Variants in SLC44A1 observed in about 807,000 individuals in gnomAD.
SLC44A1 encodes solute carrier family 44 member 1.
SLC44A1 carries 26 observed loss-of-function variants against 79.3 expected under a neutral mutation model. That is an observed-to-expected ratio of 0.33 (90% CI 0.24 to 0.46). The LOEUF is 0.46. Among genes scored for constraint, SLC44A1 ranks in the 20% least tolerant of loss-of-function variants. SLC44A1 has a pLI of 1.00. For missense variants in SLC44A1, 688 were observed against 798.1 expected (o/e 0.86, Z 1.66); for synonymous variants, 263 against 286.2 (o/e 0.92, Z 0.82).
rs576659047 is a variant in SLC44A1 at position 105,268,305 on chromosome 9, G to T, written c.36+23401G>T. On this transcript the variant is annotated intron_variant, in intron 1 of 15. Coordinates refer to ENST00000374720, the MANE Select transcript of SLC44A1 (RefSeq NM_080546.5). ...CACTTCCTATCTTTTCCCACCACTGGCTCGGGATTCAGCTTTTTCGAGTGT... is the reference window on the plus strand; with the variant it reads ...CACTTCCTATCTTTTCCCACCACTGTCTCGGGATTCAGCTTTTTCGAGTGT... 1.6e-4 allele frequency among the ~76,000 whole-genome samples: 25 copies of T among 152,150 alleles called. No individual in the cohort carries two copies. The East Asian group carries it at 3.7e-3, about 22-fold the overall frequency.
chr9:105,326,137 C>T (rs1428247462), intron 3 of SLC44A1, among the ~76,000 whole-genome samples: 1 of 152,140 alleles, frequency 6.6e-6, no homozygotes, highest in Non-Finnish European at 1.5e-5. Flanking sequence ...GTGGTACCAC[C>T]TTGGTTCACT....
At chr9:105,283,252 T>A (rs1438434525) in intron 1 of SLC44A1, among the ~76,000 whole-genome samples, 1 of 152,246 alleles carries the variant, frequency 6.6e-6, no homozygotes, top group Non-Finnish European at 1.5e-5. Context: ...CCTGCAGATC[T>A]AAGAGCTGCT....
downstream of SLC44A1, among the ~76,000 whole-genome samples, chr9:105,398,953 A>C (rs1828921670): frequency 6.6e-6 from 1 of 152,214 alleles, no homozygotes; most frequent in Non-Finnish European, 1.5e-5. Flanking sequence ...AAAATCGCAC[A>C]CACAAAAAAT....
At chr9:105,409,770 T>G (rs1029542938) in intron 15 of SLC44A1, among the ~76,000 whole-genome samples, 10 of 152,306 alleles carry the variant, frequency 6.6e-5, no homozygotes, top group African/African-American at 2.4e-4. Flanking sequence ...ACAATAATAG[T>G]TGAGACTTCA....
At chr9:105,357,679 T>G (rs1363399764) in intron 6 of SLC44A1, among the ~76,000 whole-genome samples, 1 of 152,214 alleles carries the variant, frequency 6.6e-6, no homozygotes, top group Non-Finnish European at 1.5e-5. Context: ...AAGAACTGGC[T>G]GTATAACTCA....
In SLC44A1 at chr9:105,354,766, A is replaced by G. The variant is rs141402444; in HGVS notation, c.501-1446A>G. On this transcript the variant is annotated intron_variant, in intron 5 of 15. Coordinates refer to ENST00000374720, the MANE Select transcript of SLC44A1 (RefSeq NM_080546.5). ...AAGATGTTACTTTTTCTTACCATCA[A>G]TGGTGCTCATTTACTAACATTTAAG... 5.5e-3 allele frequency among the ~76,000 whole-genome samples: 832 copies of G among 152,356 alleles called. 7 individuals carry two copies. Among genetic ancestry groups the G allele is most frequent in the African/African-American group, 0.019 (793 of 41,592 alleles).
rs146702315 is a variant in SLC44A1 at position 105,306,334 on chromosome 9, G to A, written c.127-3390G>A. Among the ~76,000 whole-genome samples, 33 of 152,038 alleles carry A rather than the reference G, an allele frequency of 2.2e-4. No homozygotes were observed. The East Asian group carries it at 6.4e-3, about 29-fold the overall frequency. On this transcript the variant is annotated intron_variant, in intron 2 of 15. Coordinates refer to ENST00000374720, the MANE Select transcript of SLC44A1 (RefSeq NM_080546.5). ...TAAATTATGGAGTGTATTCTGTAAA[G>A]TTTCTCTCACCCCACTTTAATTTCA...
intron 13 of SLC44A1, among the ~76,000 whole-genome samples, chr9:105,380,767 C>G (rs1828438024): frequency 6.6e-6 from 1 of 152,096 alleles, no homozygotes. Flanking sequence ...CTGATATAGA[C>G]CAGTACTTCT....
intron 15 of SLC44A1, among the ~76,000 whole-genome samples, chr9:105,416,878 G>C (rs1829178387): frequency 6.6e-6 from 1 of 152,182 alleles, no homozygotes; most frequent in South Asian, 2.1e-4. Context: ...TTATCTGACA[G>C]TGGTCAAAAC....
In SLC44A1 at chr9:105,244,840, C is replaced by T; in HGVS notation, c.-29C>T. 1.8e-6 allele frequency: 2 copies of T among 1,112,594 alleles called. No individual in the cohort carries two copies. Among genetic ancestry groups the T allele is most frequent in the Non-Finnish European group, 2.2e-6 (2 of 912,950 alleles). The allele number at this position is 1,112,594 out of a possible 1,614,324, so 68.9% of individuals were successfully genotyped here. A position where few individuals can be genotyped will look rare whatever the true frequency, so the allele number is the denominator to read the frequency against. On this transcript the variant is annotated 5_prime_UTR_variant, in exon 1 of 16. Coordinates refer to ENST00000374720, the MANE Select transcript of SLC44A1 (RefSeq NM_080546.5). ...CTCCGGGGCGTAGCTGCGCGCCCGG[C>T]GCCGCCTCCGGGCTCCTTCGGCCCC...
downstream of SLC44A1, among the ~76,000 whole-genome samples, chr9:105,398,636 G>T (rs1828917639): frequency 2.0e-5 from 3 of 152,186 alleles, no homozygotes; most frequent in South Asian, 6.2e-4. Context: ...GATTCTTTCA[G>T]GAGGCACAAA....
At chr9:105,356,033 C>T (rs1489284248) in intron 5 of SLC44A1, 179 bp from the exon 6 acceptor site, 2 of 580,752 alleles carry the variant, frequency 3.4e-6, no homozygotes, top group Non-Finnish European at 6.1e-6. Context: ...GTAAGATTTG[C>T]ATCACTACCC....
At position 105,264,985 on chromosome 9, in the gene SLC44A1, G is replaced by A. The variant is rs193084657; in HGVS notation, c.36+20081G>A. On this transcript the variant is annotated intron_variant, in intron 1 of 15. Transcript: ENST00000374720. The stretch of plus-strand genomic sequence containing the variant: ...CTAATTTTGTATTTTTAGTAGAGAC[G>A]GGGTTTCTCCATGTTGGTCAGGCTG... 1.6e-3 allele frequency among the ~76,000 whole-genome samples: 237 copies of A among 152,002 alleles called. 2 individuals carry two copies. The highest frequency in any genetic ancestry group is 3.7e-3 in the East Asian group (19 of 5,168).
At chr9:105,436,930 C>T (rs1430423215) in intron 15 of SLC44A1, among the ~76,000 whole-genome samples, 1 of 152,166 alleles carries the variant, frequency 6.6e-6, no homozygotes, top group Non-Finnish European at 1.5e-5. Context: ...CAGATCTTCA[C>T]CTGACTTCAT....
At chr9:105,255,116 T>TTTA (rs1829675103) in intron 1 of SLC44A1, among the ~76,000 whole-genome samples, 1 of 150,828 alleles carries the variant, frequency 6.6e-6, no homozygotes, top group African/African-American at 2.4e-5. Flanking sequence ...TTTTTTTTTT[T>TTTA]AATAATTAAA....
intron 5 of SLC44A1, among the ~76,000 whole-genome samples, chr9:105,351,043 T>G (rs994196084): frequency 1.3e-5 from 2 of 152,210 alleles, no homozygotes; most frequent in African/African-American, 4.8e-5. Context: ...ATTGGTGAAA[T>G]GCCAACCATG....
chr9:105,394,272 G>C lies in SLC44A1; in HGVS notation c.*5216G>C, dbSNP rs141011524. 2 of 985,396 alleles carry C rather than the reference G, an allele frequency of 2.0e-6. No homozygotes were observed. Among genetic ancestry groups the C allele is most frequent in the African/African-American group, 3.5e-5 (2 of 57,344 alleles). 61.0% of individuals were successfully genotyped at this position (985,396 alleles called of 1,614,324 possible). A position where few individuals can be genotyped will look rare whatever the true frequency, so the allele number is the denominator to read the frequency against. The stretch of plus-strand genomic sequence containing the variant: ...ATGATGCTTACCACCTTCTGACCTG[G>C]AATCATTTTTATAACTTAAAGACTT... On this transcript the variant is annotated 3_prime_UTR_variant, in exon 16 of 16. Transcript: ENST00000374720.
In SLC44A1 at chr9:105,435,363, C is replaced by T. The variant is rs111456341; in HGVS notation, c.1951-2918C>T. Among the ~76,000 whole-genome samples the T allele has an allele frequency of 1.6e-4, 25 of 152,112 alleles. 1 individual carries two copies. Among genetic ancestry groups the T allele is most frequent in the Admixed American group, 5.9e-4 (9 of 15,272 alleles). On this transcript the variant is annotated intron_variant, in intron 15 of 15. Coordinates refer to the SLC44A1 transcript ENST00000374724. ...AGGCTGGGTGCAAGTGGGCTGAGTC[C>T]GAGAAAGGAGTCAGCAAAGAGTGTT... is the stretch of plus-strand genomic sequence containing the variant.
rs529856030 is a variant in SLC44A1 at position 105,394,143 on chromosome 9, C to G, written c.*5087C>G. 10 of 985,364 alleles carry G rather than the reference C, an allele frequency of 1.0e-5. No homozygotes were observed. The highest frequency in any genetic ancestry group is 1.2e-4 in the Admixed American group (2 of 16,278). 61.0% of individuals were successfully genotyped at this position (985,364 alleles called of 1,614,324 possible). On this transcript the variant is annotated 3_prime_UTR_variant, in exon 16 of 16. Coordinates refer to ENST00000374720, the MANE Select transcript of SLC44A1 (RefSeq NM_080546.5). Reference sequence around the variant, plus strand: ...CGGCCAGCTTCCACCCCTGTACCCCCTCAGGGGCTAATGAACCCAAGTCAA... The same window carrying G: ...CGGCCAGCTTCCACCCCTGTACCCCGTCAGGGGCTAATGAACCCAAGTCAA...
Sources: allele counts gnomAD v4.1 joint callset (sites outside exome capture counted in the v4.1 genomes callset), GRCh38; gene constraint gnomAD v4.1.1; transcripts MANE v1.5; gene names NCBI Gene and HGNC (gene_info 2026-07-23, HGNC 2026-07-21).